The following CCDC169 variants were observed in gnomAD, a reference collection of about 807,000 sequenced individuals.
The protein encoded by CCDC169 is coiled-coil domain containing 169.
CCDC169 carries 30 observed loss-of-function variants against 36.0 expected under a neutral mutation model. That is an observed-to-expected ratio of 0.83 (90% CI 0.62 to 1.13). The LOEUF is 1.13. CCDC169 is among the 50% of genes most tolerant of loss of function. CCDC169 has a pLI of 0.00. For synonymous variants in CCDC169, 85 were observed against 81.5 expected, an observed-to-expected ratio of 1.04 and a Z score of -0.23; for missense variants, 245 against 245.9, an observed-to-expected ratio of 1.00 and a Z score of 0.03.
downstream of CCDC169, among the ~76,000 whole-genome samples, chr13:36,229,544 T>TG (rs1428623244): frequency 2.0e-5 from 3 of 147,558 alleles, no homozygotes; most frequent in Non-Finnish European, 3.0e-5. Context: ...AATAATGTTT[T>TG]TTTTTTTTTT....
Position 36,295,858 on chromosome 13 carries a change from C to G in CCDC169, c.84-1G>C. 1 of 1,511,038 alleles carries G rather than the reference C, an allele frequency of 6.6e-7. No individual in the cohort carries two copies. Among genetic ancestry groups the G allele is most frequent in the Non-Finnish European group, 8.9e-7 (1 of 1,119,704 alleles). The allele number at this position is 1,511,038 out of a possible 1,614,324, so 93.6% of individuals were successfully genotyped here. ...AAATATTGAGAGTTGCACTGCATCC[C>G]TGTTATTTAAAATATTTTTGTTGAT... On this transcript the variant is annotated splice_acceptor_variant, in intron 1 of 7. Coordinates refer to ENST00000239859, the MANE Select transcript of CCDC169 (RefSeq NM_001144981.3). LOFTEE classifies it high-confidence loss of function.
chr13:36,257,492 T>A (rs1163511852), intron 4 of CCDC169, among the ~76,000 whole-genome samples: 1 of 56,300 alleles, frequency 1.8e-5, no homozygotes, highest in Non-Finnish European at 3.4e-5. Context: ...GATCACGAGG[T>A]CAAGAGATCG....
intron 2 of CCDC169, among the ~76,000 whole-genome samples, chr13:36,285,088 T>C (rs1425125343): frequency 6.6e-6 from 1 of 152,236 alleles, no homozygotes; most frequent in Non-Finnish European, 1.5e-5. Flanking sequence ...TGGTATCCCC[T>C]TTCCTAACAT....
intron 4 of CCDC169, among the ~76,000 whole-genome samples, chr13:36,268,914 G>T (rs537052742): frequency 6.6e-6 from 1 of 152,032 alleles, no homozygotes; most frequent in Non-Finnish European, 1.5e-5. Flanking sequence ...AGATCAGCCC[G>T]GCCAGTATGG....
At chr13:36,229,405 T>C (rs1295145927), downstream of CCDC169, among the ~76,000 whole-genome samples, 1 of 152,170 alleles carries the variant, frequency 6.6e-6, no homozygotes, top group East Asian at 1.9e-4. Flanking sequence ...GTCCCTGTGA[T>C]AAGATGTTCA....
At chr13:36,287,960 A>C (rs1398238239) in intron 2 of CCDC169, among the ~76,000 whole-genome samples, 1 of 152,156 alleles carries the variant, frequency 6.6e-6, no homozygotes, top group African/African-American at 2.4e-5. Flanking sequence ...CTCACCATTT[A>C]GTGTTCAGAT....
At chr13:36,285,028 A>G (rs1877996548) in intron 2 of CCDC169, among the ~76,000 whole-genome samples, 1 of 152,238 alleles carries the variant, frequency 6.6e-6, no homozygotes, top group South Asian at 2.1e-4. Context: ...GTAGAGCTCA[A>G]CTGTATGGAA....
chr13:36,259,374 T>C (rs1488802086), intron 4 of CCDC169, among the ~76,000 whole-genome samples: 1 of 152,156 alleles, frequency 6.6e-6, no homozygotes, highest in Non-Finnish European at 1.5e-5. Context: ...GTCCAAGTTC[T>C]TGGTGTATTG....
chr13:36,250,891 C>G (rs1205112361), intron 6 of CCDC169, among the ~76,000 whole-genome samples: 1 of 152,144 alleles, frequency 6.6e-6, no homozygotes, highest in Non-Finnish European at 1.5e-5. Context: ...GATAATGAAA[C>G]AGAAAAGCCT....
rs755772849 is a variant in CCDC169, at chr13:36,248,593, T to C, written c.545+13A>G. 5.8e-6 allele frequency: 9 copies of C among 1,548,190 alleles called. No individual in the cohort carries two copies. Among genetic ancestry groups the C allele is most frequent in the East Asian group, 2.4e-5 (1 of 40,832 alleles). On this transcript the variant is annotated intron_variant, in intron 7 of 7. Transcript: ENST00000239859. ...TGTAACGAATTAGAAAGAAAATATA[T>C]AGCTAGACTTACGTTTTCACTAGAT... is the stretch of plus-strand genomic sequence containing the variant.
At chr13:36,224,015 G>A (rs1346087395), downstream of CCDC169, 7 of 152,002 alleles carry the variant, frequency 4.6e-5, no homozygotes, top group Admixed American at 2.0e-4. Flanking sequence ...AGAAAAGGTA[G>A]GAATAATTTA....
chr13:36,274,718 T>C (rs1876537786), intron 4 of CCDC169, among the ~76,000 whole-genome samples: 1 of 152,224 alleles, frequency 6.6e-6, no homozygotes, highest in African/African-American at 2.4e-5. Flanking sequence ...ATTTGCTTTT[T>C]AAAGGTCATT....
intron 4 of CCDC169, among the ~76,000 whole-genome samples, chr13:36,255,341 C>T (rs1414244606): frequency 6.6e-6 from 1 of 152,146 alleles, no homozygotes; most frequent in African/African-American, 2.4e-5. Flanking sequence ...TTCGGGAACT[C>T]TCCCACAGGC....
At chr13:36,284,187 G>A (rs1877898628) in intron 2 of CCDC169, among the ~76,000 whole-genome samples, 2 of 151,712 alleles carry the variant, frequency 1.3e-5, no homozygotes, top group Admixed American at 1.3e-4. Flanking sequence ...ATGTTTATGT[G>A]TATATAAAAT....
Position 36,297,776 on chromosome 13 carries a change from A to AT in CCDC169, c.-58dup. On this transcript the variant is annotated 5_prime_UTR_variant, in exon 1 of 8. It adds an upstream start codon to the 5' untranslated region. Coordinates refer to ENST00000239859, the MANE Select transcript of CCDC169 (RefSeq NM_001144981.3). ...CCCTCAGCACCTTAGAGCACAAGAC[A>AT]TTAAGGGCCACCCAGAAGCCAGTAC... is the stretch of plus-strand genomic sequence containing the variant. 1 of 1,479,368 alleles carries AT rather than the reference A, an allele frequency of 6.8e-7. No homozygotes were observed. Among genetic ancestry groups the AT allele is most frequent in the Non-Finnish European group, 9.2e-7 (1 of 1,086,362 alleles). The allele number at this position is 1,479,368 out of a possible 1,614,324, so 91.6% of individuals were successfully genotyped here. A position where few individuals can be genotyped will look rare whatever the true frequency, so the allele number is the denominator to read the frequency against.
At chr13:36,247,954 C>T (rs953180501) in intron 7 of CCDC169, among the ~76,000 whole-genome samples, 7 of 152,096 alleles carry the variant, frequency 4.6e-5, no homozygotes, top group African/African-American at 1.7e-4. Flanking sequence ...CGTTGTTGCC[C>T]TATTTTCAAA....
At position 36,254,269 on chromosome 13, in the gene CCDC169, T is replaced by C. The variant is rs1873544552; in HGVS notation, c.316-126A>G. On this transcript the variant is annotated intron_variant, in intron 4 of 7. Coordinates refer to ENST00000239859, the MANE Select transcript of CCDC169 (RefSeq NM_001144981.3). ...ATTTTGTGATTTCATAATTCTATGA[T>C]ATGTACTTTTTTTTTTTTTTTTTTT... 9.6e-6 allele frequency: 5 copies of C among 522,306 alleles called. No homozygotes were observed. The East Asian group carries it at 1.1e-4, about 11-fold the overall frequency. The allele number at this position is 522,306 out of a possible 1,614,324, so 32.4% of individuals were successfully genotyped here. A position where few individuals can be genotyped will look rare whatever the true frequency, so the allele number is the denominator to read the frequency against.
intron 6 of CCDC169, 76 bp from the exon 7 acceptor site, chr13:36,248,758 C>G: frequency 7.6e-7 from 1 of 1,320,930 alleles, no homozygotes; most frequent in Non-Finnish European, 1.1e-6. Flanking sequence ...AGTCAATTCT[C>G]AATTAACTCT....
At chr13:36,281,187 C>T (rs1385666394) in intron 4 of CCDC169, 1 of 405,996 alleles carries the variant, frequency 2.5e-6, no homozygotes, top group African/African-American at 2.1e-5. Flanking sequence ...AGAGTAGAAA[C>T]TTAGGGGAAG....
Sources: allele counts gnomAD v4.1 joint callset (sites outside exome capture counted in the v4.1 genomes callset), GRCh38; gene constraint gnomAD v4.1.1; transcripts MANE v1.5; gene names NCBI Gene and HGNC (gene_info 2026-07-23, HGNC 2026-07-21).